Variants in CAMSAP2 observed in about 807,000 individuals in gnomAD.
CAMSAP2 encodes the protein calmodulin regulated spectrin associated protein family member 2.
A neutral mutation model predicts 146.1 loss-of-function variants in CAMSAP2; 26 were observed. The ratio of observed to expected loss-of-function variants is 0.18; its 90% CI spans 0.13 to 0.25. CAMSAP2 has a LOEUF of 0.25. Among genes scored for constraint, CAMSAP2 ranks in the 10% least tolerant of loss-of-function variants. The probability of loss-of-function intolerance (pLI) is 1.00; values close to 1 mark genes in which losing one functional copy is unlikely to be tolerated. For missense variants in CAMSAP2, 1,381 were observed against 1,759.3 expected (o/e 0.78, Z 3.85); for synonymous variants, 499 against 596.6 (o/e 0.84, Z 2.38).
intron 13 of CAMSAP2, among the ~76,000 whole-genome samples, chr1:200,854,237 C>T (rs1224841457): frequency 6.6e-6 from 1 of 152,158 alleles, no homozygotes; most frequent in Non-Finnish European, 1.5e-5. Context: ...CTGCCTTGGC[C>T]TCCCAAAGTG....
Position 200,849,800 on chromosome 1 carries a change from C to G in CAMSAP2, c.3031C>G (p.Gln1011Glu), listed in dbSNP as rs1667566695. 1.2e-6 allele frequency: 2 copies of G among 1,614,006 alleles called. No homozygotes were observed. Among genetic ancestry groups the G allele is most frequent in the South Asian group, 1.1e-5 (1 of 91,062 alleles). Residue 1011 changes from glutamine (Q) to glutamate (E), a missense_variant, in exon 11 of 17, where the codon CAA becomes GAA. Gln to Glu is a conservative substitution (Grantham distance 29). Transcript: ENST00000358823. The surrounding 1 kb of genome is among the most constrained non-coding windows in gnomAD (Gnocchi z 6.3). ...TCGGTTAAGGAGGTTTTCACCAAGTCAAGTTCCTATTCAAACTAGGTCATT... is the reference window on the plus strand; with the variant it reads ...TCGGTTAAGGAGGTTTTCACCAAGTGAAGTTCCTATTCAAACTAGGTCATT... ...LPRLRRFSPS[Q>E]VPIQTRSFVC...
Position 200,760,867 on chromosome 1 carries a change from A to G in CAMSAP2, c.168A>G (p.Pro56=), listed in dbSNP as rs747030388. 6.2e-7 allele frequency: 1 copy of G among 1,613,458 alleles called. No homozygotes were observed. The highest frequency in any genetic ancestry group is 8.5e-7 in the Non-Finnish European group (1 of 1,179,600). ...ATGTGCCAGAGGAACTTCAAGAACC[A>G]TTTTACACAGATCAGTATGACCAGG... ...TENVPEELQE[P]FYTDQYDQEH... Residue 56 remains proline, a synonymous_variant, in exon 2 of 17, where the codon CCA becomes CCG. Coordinates refer to ENST00000358823, the MANE Select transcript of CAMSAP2 (RefSeq NM_203459.4).
At chr1:200,816,605 A>AATATATAT (rs1185236373) in intron 4 of CAMSAP2, among the ~76,000 whole-genome samples, 1 of 111,230 alleles carries the variant, frequency 9.0e-6, no homozygotes, top group East Asian at 2.5e-4. Context: ...AAAAAAAAAA[A>AATATATAT]ATATATATAT....
chr1:200,837,688 A>G (rs1667219299), intron 6 of CAMSAP2, among the ~76,000 whole-genome samples: 1 of 152,258 alleles, frequency 6.6e-6, no homozygotes, highest in East Asian at 1.9e-4. Flanking sequence ...AACAATATTG[A>G]TTCTTCCTGT....
intron 4 of CAMSAP2, among the ~76,000 whole-genome samples, chr1:200,817,185 C>CGTGTGTGTAT (rs1666601500): frequency 1.4e-5 from 1 of 70,800 alleles, no homozygotes; most frequent in Non-Finnish European, 2.5e-5. Context: ...TATACACACA[C>CGTGTGTGTAT]ACACATGTGT....
At position 200,832,861 on chromosome 1, in the gene CAMSAP2, CT is replaced by C. The variant is rs1667079811; in HGVS notation, c.927+23del. 1.3e-6 allele frequency: 2 copies of C among 1,543,520 alleles called. No homozygotes were observed. The highest frequency in any genetic ancestry group is 2.1e-5 in the Admixed American group (1 of 46,720). ...ATCCATAAAGGTAAATTAAATTATT[CT>C]TTTTTTCCCTTTGCTTTGTTAAAAT... On this transcript the variant is annotated intron_variant, in intron 6 of 16. Transcript: ENST00000358823. The surrounding 1 kb of genome is among the most constrained non-coding windows in gnomAD (Gnocchi z 4.2).
intron 3 of CAMSAP2, among the ~76,000 whole-genome samples, chr1:200,807,976 C>T (rs1200159386): frequency 1.3e-5 from 2 of 151,904 alleles, no homozygotes; most frequent in African/African-American, 2.4e-5. Flanking sequence ...CCTGGCCTCA[C>T]GGTGATCTAC....
intron 4 of CAMSAP2, among the ~76,000 whole-genome samples, chr1:200,816,889 T>C (rs1360382483): frequency 1.4e-5 from 1 of 70,956 alleles, no homozygotes; most frequent in Non-Finnish European, 2.9e-5. Context: ...CACGCGTGTG[T>C]ATGTGTGTAC....
intron 1 of CAMSAP2, among the ~76,000 whole-genome samples, chr1:200,740,476 C>T (rs1169189013): frequency 6.6e-6 from 1 of 152,118 alleles, no homozygotes; most frequent in Non-Finnish European, 1.5e-5. Flanking sequence ...TTTTTGTTGT[C>T]ATTCTTTAAG....
At position 200,859,049 on chromosome 1, in the gene CAMSAP2, G is replaced by T. The variant is rs1373699661; in HGVS notation, c.*990G>T. The T allele has an allele frequency of 6.6e-6, 1 of 152,220 alleles. No individual in the cohort carries two copies. The highest frequency in any genetic ancestry group is 1.5e-5 in the Non-Finnish European group (1 of 67,840). The allele number at this position is 152,220 out of a possible 1,614,324, so 9.4% of individuals were successfully genotyped here. On this transcript the variant is annotated 3_prime_UTR_variant, in exon 17 of 17. Transcript: ENST00000358823. ...TAGAATTTTTAAACATGTACAAAGGGCTACATTTTAATTTTAAAATAGCTT... is the reference window on the plus strand; with the variant it reads ...TAGAATTTTTAAACATGTACAAAGGTCTACATTTTAATTTTAAAATAGCTT...
intron 4 of CAMSAP2, among the ~76,000 whole-genome samples, chr1:200,822,159 C>T (rs1288599373): frequency 2.6e-5 from 4 of 151,528 alleles, no homozygotes. Context: ...CACACACACA[C>T]ACACACACAC....
Position 200,739,713 on chromosome 1 carries a change from T to A in CAMSAP2, c.-115T>A. On this transcript the variant is annotated 5_prime_UTR_variant, in exon 1 of 17. Transcript: ENST00000358823. This position sits in a 1 kb window ranked among gnomAD's most constrained non-coding sequence, Gnocchi z 4.8. ...TCCTCCGTCGGCGCCCGGGCGGACA[T>A]CGCCCGGGCCCCGATGGTTTGAGCT... The A allele has an allele frequency of 6.4e-6, 6 of 937,080 alleles. No homozygotes were observed. Among genetic ancestry groups the A allele is most frequent in the Non-Finnish European group, 8.4e-6 (6 of 711,240 alleles). 58.0% of individuals were successfully genotyped at this position (937,080 alleles called of 1,614,324 possible).
chr1:200,791,120 C>T (rs1222023827), intron 2 of CAMSAP2, among the ~76,000 whole-genome samples: 1 of 152,244 alleles, frequency 6.6e-6, no homozygotes, highest in Admixed American at 6.5e-5. Flanking sequence ...TCTGGGATTA[C>T]AGGCGTGAGC....
intron 2 of CAMSAP2, among the ~76,000 whole-genome samples, chr1:200,767,466 G>A (rs1664985844): frequency 7.1e-6 from 1 of 140,714 alleles, no homozygotes; most frequent in Non-Finnish European, 1.5e-5. Flanking sequence ...CAGGAACTTT[G>A]TGTTGTCCCT....
At position 200,850,081 on chromosome 1, in the gene CAMSAP2, C is replaced by T. The variant is rs1667576955; in HGVS notation, c.3312C>T (p.Pro1104=). 6.2e-7 allele frequency: 1 copy of T among 1,613,902 alleles called. No homozygotes were observed. Among genetic ancestry groups the T allele is most frequent in the African/African-American group, 1.3e-5 (1 of 74,988 alleles). The change falls in exon 11 of 17, where the codon CCC becomes CCT. Residue 1104 remains proline, a synonymous_variant. Transcript: ENST00000358823. ...CCCCTCCTAAACCCGTTTTCCCACC[C>T]ACTGCTCCAAAAAATGTTAATCTGA... The part of the protein sequence containing the change: ...TEPPPKPVFP[P]TAPKNVNLIE...
At chr1:200,844,970 T>C (rs1667422995) in intron 8 of CAMSAP2, 101 bp downstream of exon 8, 1 of 616,520 alleles carries the variant, frequency 1.6e-6, no homozygotes, top group South Asian at 2.8e-5. Context: ...AGAATTTCAG[T>C]TGGATTTTGA....
chr1:200,846,346 A>G (rs532351369), intron 8 of CAMSAP2, among the ~76,000 whole-genome samples: 4 of 152,342 alleles, frequency 2.6e-5, no homozygotes, highest in Admixed American at 6.5e-5. Context: ...TAATTATTCT[A>G]GGAACCTAAA....
At chr1:200,823,648 G>A (rs1000855341) in intron 4 of CAMSAP2, among the ~76,000 whole-genome samples, 1 of 152,180 alleles carries the variant, frequency 6.6e-6, no homozygotes, top group Non-Finnish European at 1.5e-5. Context: ...ATAAGAACAT[G>A]ATTTAACACT....
intron 3 of CAMSAP2, among the ~76,000 whole-genome samples, chr1:200,814,259 T>TCTC (rs1219349386): frequency 2.0e-5 from 3 of 152,190 alleles, no homozygotes; most frequent in African/African-American, 7.2e-5. Flanking sequence ...ACCAAAATGC[T>TCTC]TAAAGATACA....
Sources: allele counts gnomAD v4.1 joint callset (sites outside exome capture counted in the v4.1 genomes callset), GRCh38; gene constraint gnomAD v4.1.1; non-coding constraint Gnocchi (gnomAD v3.1); transcripts MANE v1.5; gene names NCBI Gene and HGNC (gene_info 2026-07-23, HGNC 2026-07-21).